The following SSBP2 variants were observed in gnomAD, a reference collection of about 807,000 sequenced individuals.
The protein encoded by SSBP2 is single stranded DNA binding protein 2, also known as single-stranded DNA-binding protein 2.
In SSBP2, 17 loss-of-function variants were observed where a neutral mutation model predicts 61.8. The ratio of observed to expected loss-of-function variants is 0.28; its 90% CI spans 0.19 to 0.41. The LOEUF is 0.41. SSBP2 is among the 10% of genes least tolerant of loss of function. The pLI, the probability that SSBP2 is intolerant of heterozygous loss-of-function variation, is 1.00. For missense variants in SSBP2, 310 were observed against 458.7 expected, an observed-to-expected ratio of 0.68 and a Z score of 2.96; for synonymous variants, 139 against 141.3, an observed-to-expected ratio of 0.98 and a Z score of 0.12.
intron 4 of SSBP2, among the ~76,000 whole-genome samples, chr5:81,570,084 C>A (rs1773725334): frequency 1.3e-5 from 2 of 152,118 alleles, no homozygotes; most frequent in African/African-American, 4.8e-5. Flanking sequence ...TGATATACTA[C>A]TTGTCTAACA....
chr5:81,441,920 G>A (rs1763065934), intron 13 of SSBP2, among the ~76,000 whole-genome samples: 3 of 152,120 alleles, frequency 2.0e-5, no homozygotes, highest in African/African-American at 2.4e-5. Context: ...AGGCCTAGTA[G>A]CCTGTGAACT....
intron 3 of SSBP2, among the ~76,000 whole-genome samples, chr5:81,631,001 C>T (rs10474035): frequency 6.6e-6 from 1 of 151,942 alleles, no homozygotes; most frequent in African/African-American, 2.4e-5. Context: ...TGGAAACACA[C>T]AAAATGAAAA....
At chr5:81,422,445 T>C (rs1434875180) in intron 16 of SSBP2, among the ~76,000 whole-genome samples, 1 of 152,010 alleles carries the variant, frequency 6.6e-6, no homozygotes, top group African/African-American at 2.4e-5. Flanking sequence ...GAAAGGTGGG[T>C]GATTAGGCCT....
At chr5:81,681,165 AAC>A (rs905365498) in intron 1 of SSBP2, among the ~76,000 whole-genome samples, 2 of 152,162 alleles carry the variant, frequency 1.3e-5, no homozygotes, top group African/African-American at 4.8e-5. Flanking sequence ...TGCACTTCTA[AAC>A]ACACACACAA....
chr5:81,750,795 GCC>G (rs1393216225), intron 1 of SSBP2, 184 bp downstream of exon 1: 1 of 652,626 alleles, frequency 1.5e-6, no homozygotes, highest in African/African-American at 1.9e-5. Flanking sequence ...CCCGCCCAGC[GCC>G]CGCACCTCCC....
chr5:81,539,456 A>G (rs1771076106), intron 4 of SSBP2, among the ~76,000 whole-genome samples: 1 of 152,258 alleles, frequency 6.6e-6, no homozygotes, highest in South Asian at 2.1e-4. Flanking sequence ...GAGTTGATAA[A>G]GCAGCGGCAA....
intron 1 of SSBP2, among the ~76,000 whole-genome samples, chr5:81,685,617 G>A (rs1374021692): frequency 6.6e-6 from 1 of 152,194 alleles, no homozygotes; most frequent in Non-Finnish European, 1.5e-5. Context: ...TGTAGCACCT[G>A]CAGATGGGCT....
At position 81,412,944 on chromosome 5, in the gene SSBP2, C is replaced by T. The variant is rs969725934; in HGVS notation, c.*7560G>A. ...ATGCATTGTAGCCTCTTCTTCCATG[C>T]ATATAGATCCTTTGATATTAGAACC... On this transcript the variant is annotated 3_prime_UTR_variant, in exon 17 of 17. Coordinates refer to ENST00000320672, the MANE Select transcript of SSBP2 (RefSeq NM_012446.5). The T allele has an allele frequency of 1.3e-5, 2 of 152,102 alleles. No homozygotes were observed. The highest frequency in any genetic ancestry group is 4.8e-5 in the African/African-American group (2 of 41,428). The allele number at this position is 152,102 out of a possible 1,614,324, so 9.4% of individuals were successfully genotyped here.
chr5:81,641,788 A>G (rs1748808184), intron 2 of SSBP2, among the ~76,000 whole-genome samples: 1 of 152,256 alleles, frequency 6.6e-6, no homozygotes, highest in South Asian at 2.1e-4. Context: ...TGATACTTAC[A>G]TACTACAGAA....
At chr5:81,642,276 T>C (rs863772) in intron 2 of SSBP2, among the ~76,000 whole-genome samples, 95,732 of 152,006 alleles carry the variant, frequency 0.63, 30,540 homozygotes, top group East Asian at 0.94. Flanking sequence ...TCTGTTTCTT[T>C]TTCTTCCATT....
chr5:81,598,118 C>T (rs1038199554), intron 4 of SSBP2, among the ~76,000 whole-genome samples: 1 of 151,796 alleles, frequency 6.6e-6, no homozygotes, highest in Non-Finnish European at 1.5e-5. Flanking sequence ...CGATAAACCA[C>T]AGATCCAACT....
At chr5:81,732,504 A>C (rs577895664) in intron 1 of SSBP2, among the ~76,000 whole-genome samples, 1 of 152,356 alleles carries the variant, frequency 6.6e-6, no homozygotes, top group East Asian at 1.9e-4. Context: ...ACTCAAACTT[A>C]ATTTTTTTAC....
intron 4 of SSBP2, among the ~76,000 whole-genome samples, chr5:81,580,619 G>C (rs935668756): frequency 6.6e-6 from 1 of 151,936 alleles, no homozygotes; most frequent in Non-Finnish European, 1.5e-5. Context: ...GTATGAAAGA[G>C]ACATACCTTA....
At chr5:81,506,309 T>A (rs763302717) in intron 5 of SSBP2, among the ~76,000 whole-genome samples, 1 of 152,164 alleles carries the variant, frequency 6.6e-6, no homozygotes, top group Non-Finnish European at 1.5e-5. Flanking sequence ...ACCTCCACTA[T>A]CTAAATCCTA....
intron 4 of SSBP2, among the ~76,000 whole-genome samples, chr5:81,554,537 G>T (rs1772450614): frequency 6.6e-6 from 1 of 151,334 alleles, no homozygotes; most frequent in Admixed American, 6.6e-5. Context: ...ATATATTCTT[G>T]CTCTGAGGCT....
At chr5:81,650,858 A>C (rs2153711087) in intron 1 of SSBP2, among the ~76,000 whole-genome samples, 1 of 152,278 alleles carries the variant, frequency 6.6e-6, no homozygotes, top group East Asian at 1.9e-4. Flanking sequence ...TTTGATTGTT[A>C]AGCCAATAAT....
At chr5:81,440,669 A>T in intron 13 of SSBP2, 33 bp from the exon 14 acceptor site, 1 of 1,485,296 alleles carries the variant, frequency 6.7e-7, no homozygotes, top group African/African-American at 1.4e-5. Context: ...CACTGTAATC[A>T]TACTGAAAAC....
At chr5:81,691,972 C>T (rs558583812) in intron 1 of SSBP2, among the ~76,000 whole-genome samples, 2 of 152,284 alleles carry the variant, frequency 1.3e-5, no homozygotes, top group South Asian at 4.2e-4. Context: ...CCCACTTTCA[C>T]CACTGTTATT....
At chr5:81,581,840 A>T (rs1290939347) in intron 4 of SSBP2, among the ~76,000 whole-genome samples, 2 of 152,190 alleles carry the variant, frequency 1.3e-5, no homozygotes, top group African/African-American at 2.4e-5. Flanking sequence ...TCAAAAAGAA[A>T]TGTCTTGATT....
Sources: gnomAD v4.1 joint callset for allele counts (sites outside exome capture counted in the v4.1 genomes callset) on GRCh38, gnomAD v4.1.1 for gene constraint, MANE v1.5 for transcripts, NCBI Gene and HGNC (gene_info 2026-07-23, HGNC 2026-07-21) for gene names.